FSTL5: variants seen among roughly 807,000 people sequenced by gnomAD.
FSTL5 encodes the protein follistatin-related protein 5.
A neutral mutation model predicts 89.1 loss-of-function variants in FSTL5; 62 were observed. That is an observed-to-expected ratio of 0.70 (90% CI 0.57 to 0.86). The LOEUF (loss-of-function observed/expected upper bound fraction) is 0.86. Among genes scored for constraint, FSTL5 ranks in the 40% least tolerant of loss-of-function variants. The pLI is 0.00. For missense variants in FSTL5, 1,057 were observed against 1,001.6 expected, an observed-to-expected ratio of 1.06 and a Z score of -0.75; for synonymous variants, 383 against 346.2, an observed-to-expected ratio of 1.11 and a Z score of -1.18.
intron 1 of FSTL5, among the ~76,000 whole-genome samples, chr4:162,139,688 T>G (rs1446958766): frequency 2.0e-5 from 3 of 152,118 alleles, no homozygotes; most frequent in African/African-American, 7.2e-5. Flanking sequence ...ATCTATTAAC[T>G]ATGAAAAGCC....
chr4:162,081,085 C>T (rs370636633), intron 2 of FSTL5, among the ~76,000 whole-genome samples: 1 of 151,664 alleles, frequency 6.6e-6, no homozygotes, highest in East Asian at 1.9e-4. Flanking sequence ...ATATTTTTAT[C>T]CACGCCCTCT....
intron 4 of FSTL5, among the ~76,000 whole-genome samples, chr4:161,831,322 A>G (rs182407613): frequency 6.6e-6 from 1 of 151,932 alleles, no homozygotes; most frequent in African/African-American, 2.4e-5. Context: ...GGATATTTAA[A>G]TTTTAATTTG....
chr4:162,103,812 C>A (rs530327072), intron 2 of FSTL5, among the ~76,000 whole-genome samples: 1 of 152,280 alleles, frequency 6.6e-6, no homozygotes, highest in African/African-American at 2.4e-5. Context: ...TTAGCTCACA[C>A]CCGACCAATC....
chr4:161,493,758 T>G (rs142831245), intron 12 of FSTL5, among the ~76,000 whole-genome samples: 1,563 of 152,228 alleles, frequency 0.01, 30 homozygotes, highest in African/African-American at 0.036. Context: ...AAGTGAGCCC[T>G]TATTAGTCAT....
At chr4:161,917,208 G>A (rs913683828) in intron 4 of FSTL5, among the ~76,000 whole-genome samples, 2 of 151,972 alleles carry the variant, frequency 1.3e-5, no homozygotes, top group Non-Finnish European at 2.9e-5. Context: ...CACCCGCCTC[G>A]GCCTCCCAAA....
chr4:161,566,973 G>A (rs975755993), intron 8 of FSTL5, among the ~76,000 whole-genome samples: 3 of 151,956 alleles, frequency 2.0e-5, no homozygotes, highest in Non-Finnish European at 4.4e-5. Context: ...ATTTGGTCAA[G>A]TTTAAAAATG....
At chr4:161,652,194 T>G (rs1254330076) in intron 7 of FSTL5, among the ~76,000 whole-genome samples, 1 of 152,102 alleles carries the variant, frequency 6.6e-6, no homozygotes, top group African/African-American at 2.4e-5. Flanking sequence ...CCCAGAGCTT[T>G]GAGAGGCCAA....
chr4:161,876,775 T>G (rs555296618), intron 4 of FSTL5, among the ~76,000 whole-genome samples: 1 of 152,036 alleles, frequency 6.6e-6, no homozygotes, highest in Non-Finnish European at 1.5e-5. Flanking sequence ...GGTTTTATTT[T>G]ATTTAATTTT....
At chr4:161,905,475 G>A (rs919553710) in intron 4 of FSTL5, among the ~76,000 whole-genome samples, 2 of 151,980 alleles carry the variant, frequency 1.3e-5, no homozygotes, top group Non-Finnish European at 2.9e-5. Context: ...TTTTTATTTT[G>A]GAAAACGATT....
intron 6 of FSTL5, among the ~76,000 whole-genome samples, chr4:161,723,657 A>C (rs957250719): frequency 6.6e-6 from 1 of 152,186 alleles, no homozygotes; most frequent in Non-Finnish European, 1.5e-5. Flanking sequence ...CAAACTGAGA[A>C]GTATGCTTAA....
At chr4:161,564,570 A>G (rs1283353315) in intron 8 of FSTL5, among the ~76,000 whole-genome samples, 2 of 151,516 alleles carry the variant, frequency 1.3e-5, no homozygotes, top group African/African-American at 2.4e-5. Context: ...TAAACAATTT[A>G]CTATTTCCTT....
chr4:161,744,458 T>C (rs79507764), intron 6 of FSTL5, among the ~76,000 whole-genome samples: 3,320 of 152,202 alleles, frequency 0.022, 48 homozygotes, highest in Non-Finnish European at 0.031. Flanking sequence ...TTCCCTAATT[T>C]TATGTCTATA....
chr4:161,749,567 G>A (rs1228977251), intron 6 of FSTL5, among the ~76,000 whole-genome samples: 2 of 152,122 alleles, frequency 1.3e-5, no homozygotes, highest in African/African-American at 4.8e-5. Flanking sequence ...GGAGGCTGAG[G>A]CGGGCGGATC....
intron 3 of FSTL5, among the ~76,000 whole-genome samples, chr4:161,992,664 G>A (rs1003604392): frequency 1.3e-5 from 2 of 150,876 alleles, no homozygotes; most frequent in African/African-American, 4.9e-5. Context: ...TCAACATGGC[G>A]AAACCCCATC....
intron 2 of FSTL5, among the ~76,000 whole-genome samples, chr4:162,058,943 G>C (rs1738639364): frequency 6.6e-6 from 1 of 152,026 alleles, no homozygotes; most frequent in African/African-American, 2.4e-5. Flanking sequence ...TAATTGTATT[G>C]AAAATGTGAA....
At chr4:161,587,833 A>G (rs1369913091) in intron 7 of FSTL5, among the ~76,000 whole-genome samples, 1 of 152,152 alleles carries the variant, frequency 6.6e-6, no homozygotes, top group Non-Finnish European at 1.5e-5. Flanking sequence ...TTAATATATA[A>G]AGTAACTTAA....
chr4:161,490,191 A>G (rs1450201489), intron 12 of FSTL5, among the ~76,000 whole-genome samples: 2 of 152,114 alleles, frequency 1.3e-5, no homozygotes, highest in African/African-American at 4.8e-5. Flanking sequence ...TCCATAAAAA[A>G]TCGAAAACAA....
intron 2 of FSTL5, among the ~76,000 whole-genome samples, chr4:162,036,119 A>G (rs1207848052): frequency 6.6e-6 from 1 of 151,986 alleles, no homozygotes; most frequent in Non-Finnish European, 1.5e-5. Context: ...ATCTCGTCTA[A>G]TCTCTTAGCC....
In FSTL5 at chr4:162,015,567, T is replaced by C. The variant is rs73861012; in HGVS notation, c.160+18058A>G. Among the ~76,000 whole-genome samples the C allele has an allele frequency of 5.9e-5, 9 of 152,134 alleles. No homozygotes were observed. The South Asian group carries it at 1.9e-3, about 32-fold the overall frequency. ...AAGAACCTTGCAGTGTAATGGGATATGGGGGGTGATGGATAATTTCAGATT... is the reference window on the plus strand; with the variant it reads ...AAGAACCTTGCAGTGTAATGGGATACGGGGGGTGATGGATAATTTCAGATT... On this transcript the variant is annotated intron_variant, in intron 3 of 15. Transcript: ENST00000306100.
Sources: allele counts gnomAD v4.1 joint callset (sites outside exome capture counted in the v4.1 genomes callset), GRCh38; gene constraint gnomAD v4.1.1; transcripts MANE v1.5; gene names NCBI Gene and HGNC (gene_info 2026-07-23, HGNC 2026-07-21).